GBF1: variants seen among roughly 807,000 people sequenced by gnomAD.
GBF1 encodes Golgi-specific brefeldin A-resistance guanine nucleotide exchange factor 1.
GBF1 carries 114 observed loss-of-function variants against 210.5 expected under a neutral mutation model. The observed-to-expected ratio is 0.54, with a 90% CI of 0.47 to 0.63. GBF1 has a LOEUF of 0.63. Among genes scored for constraint, GBF1 ranks in the 30% least tolerant of loss-of-function variants. The pLI, the probability that GBF1 is intolerant of heterozygous loss-of-function variation, is 0.00. For synonymous variants in GBF1, 850 were observed against 889.2 expected (o/e 0.96, Z 0.78); for missense variants, 1,851 against 2,357.7 (o/e 0.79, Z 4.45).
intron 29 of GBF1, among the ~76,000 whole-genome samples, 157 bp from the exon 30 acceptor site, chr10:102,375,202 G>GAA (rs374953670): frequency 3.2e-5 from 4 of 126,376 alleles, no homozygotes; most frequent in East Asian, 2.2e-4. Flanking sequence ...ATTTCTATTT[G>GAA]AAAAAAAAAA....
At chr10:102,242,681 C>T (rs1168046894), upstream of GBF1, among the ~76,000 whole-genome samples, 1 of 152,012 alleles carries the variant, frequency 6.6e-6, no homozygotes, top group Non-Finnish European at 1.5e-5. Flanking sequence ...GTAATCCCAG[C>T]ACTTTGGGAG....
intron 3 of GBF1, among the ~76,000 whole-genome samples, chr10:102,307,793 C>CA (rs199578820): frequency 1.3e-4 from 20 of 149,554 alleles, no homozygotes; most frequent in Admixed American, 6.6e-4. Context: ...GACGCCGTCT[C>CA]AAAAAAAACA....
At chr10:102,317,098 C>T (rs981669207) in intron 3 of GBF1, among the ~76,000 whole-genome samples, 2 of 151,934 alleles carry the variant, frequency 1.3e-5, no homozygotes. Context: ...TGCCCAGTGC[C>T]CCCTTTTTTT....
chr10:102,306,089 AGACTT>A (rs1271676097), intron 3 of GBF1, among the ~76,000 whole-genome samples: 1 of 152,198 alleles, frequency 6.6e-6, no homozygotes, highest in African/African-American at 2.4e-5. Flanking sequence ...AGAAGCCTGA[AGACTT>A]GAGATATAGA....
chr10:102,330,970 A>C (rs1263568708), intron 3 of GBF1, among the ~76,000 whole-genome samples: 1 of 152,016 alleles, frequency 6.6e-6, no homozygotes, highest in Non-Finnish European at 1.5e-5. Context: ...GTGGAGGCTA[A>C]ATCTGACCTG....
intron 3 of GBF1, among the ~76,000 whole-genome samples, chr10:102,331,922 C>T (rs1361601598): frequency 7.1e-6 from 1 of 140,354 alleles, no homozygotes; most frequent in Non-Finnish European, 1.5e-5. Flanking sequence ...TGCAGTGGCG[C>T]AGTCTTGGCT....
chr10:102,232,203 C>T, the GBF1 span: 3 of 688,304 alleles, frequency 4.4e-6, no homozygotes, highest in Admixed American at 2.1e-5. Context: ...CAACCCCAGC[C>T]GTAAAGCTGG....
chr10:102,381,406 G>GAAATGACAGGACCATAAGCTATGA, intron 39 of GBF1, 151 bp downstream of exon 39: 1 of 723,158 alleles, frequency 1.4e-6, no homozygotes, highest in Non-Finnish European at 2.2e-6. Flanking sequence ...CTTCCCATGG[G>GAAATGACAGGACCATAAGCTATGA]AAATGACAGG....
At chr10:102,373,881 T>A (rs1193816627) in intron 29 of GBF1, among the ~76,000 whole-genome samples, 1 of 152,232 alleles carries the variant, frequency 6.6e-6, no homozygotes, top group Non-Finnish European at 1.5e-5. Context: ...TCGGCCCAGA[T>A]GACTTTCAAT....
chr10:102,353,461 AT>A (rs2059122957), intron 7 of GBF1, 138 bp from the exon 8 acceptor site: 1 of 712,444 alleles, frequency 1.4e-6, no homozygotes, highest in Non-Finnish European at 2.6e-6. Flanking sequence ...AAAGGATGAA[AT>A]TAGTCTGCTT....
chr10:102,266,004 G>A (rs945040655), intron 3 of GBF1, among the ~76,000 whole-genome samples: 1 of 152,118 alleles, frequency 6.6e-6, no homozygotes, highest in African/African-American at 2.4e-5. Context: ...TTGGGAGGCC[G>A]AGGCGGGCAG....
chr10:102,242,629 C>G (rs1042539615), upstream of GBF1, among the ~76,000 whole-genome samples: 11 of 152,140 alleles, frequency 7.2e-5, no homozygotes, highest in African/African-American at 2.7e-4. Flanking sequence ...CTTGGGTGCT[C>G]CGAAGAGCCT....
chr10:102,293,762 A>ATATTTTTTT (rs1565071251), intron 3 of GBF1, among the ~76,000 whole-genome samples: 1 of 44,572 alleles, frequency 2.2e-5, no homozygotes, highest in Admixed American at 3.1e-4. Context: ...CAGCTGTAGT[A>ATATTTTTTT]TGTTTTGTGT....
At position 102,372,430 on chromosome 10, in the gene GBF1, A is replaced by G. The variant is rs1012938624; in HGVS notation, c.3660+1570A>G. On this transcript the variant is annotated intron_variant, in intron 29 of 39. Coordinates refer to ENST00000369983, the MANE Select transcript of GBF1 (RefSeq NM_001377137.1). ...CTCAGGAGGCTGAGGCAGGAGAATCACTTGAACCTGGGAGGCAGAGGTTGT... is the reference window on the plus strand; with the variant it reads ...CTCAGGAGGCTGAGGCAGGAGAATCGCTTGAACCTGGGAGGCAGAGGTTGT... Among the ~76,000 whole-genome samples, 7 of 147,982 alleles carry G rather than the reference A, an allele frequency of 4.7e-5. No individual in the cohort carries two copies. The East Asian group carries it at 6.1e-4, about 13-fold the overall frequency.
rs766681048 is a variant in GBF1, at chr10:102,260,019, A to T, written c.97-31A>T. ...TTTCCTTTTCCTCTTTTGGCCCAAT[A>T]ATGACTTACTTTAATCTATGTGTTC... On this transcript the variant is annotated intron_variant, in intron 2 of 39. Coordinates refer to ENST00000369983, the MANE Select transcript of GBF1 (RefSeq NM_001377137.1). The T allele has an allele frequency of 1.0e-5, 13 of 1,298,126 alleles. No homozygotes were observed. The African/African-American group carries it at 1.6e-4, about 16-fold the overall frequency. The allele number at this position is 1,298,126 out of a possible 1,614,324, so 80.4% of individuals were successfully genotyped here. A position where few individuals can be genotyped will look rare whatever the true frequency, so the allele number is the denominator to read the frequency against.
At chr10:102,287,757 C>G (rs1205452493) in intron 3 of GBF1, among the ~76,000 whole-genome samples, 1 of 152,162 alleles carries the variant, frequency 6.6e-6, no homozygotes, top group Non-Finnish European at 1.5e-5. Context: ...TGTTTTCTGA[C>G]CCAACCTCAG....
intron 3 of GBF1, among the ~76,000 whole-genome samples, chr10:102,310,044 G>C (rs1047985070): frequency 6.6e-6 from 1 of 152,164 alleles, no homozygotes; most frequent in Non-Finnish European, 1.5e-5. Flanking sequence ...GTTGTACTGG[G>C]TATTATGGAA....
chr10:102,380,142 G>C (rs2060751900), intron 36 of GBF1, 107 bp from the exon 37 acceptor site: 1 of 813,230 alleles, frequency 1.2e-6, no homozygotes, highest in Non-Finnish European at 2.1e-6. Context: ...CTCCATCTCT[G>C]ATCTAAGATT....
intron 3 of GBF1, among the ~76,000 whole-genome samples, chr10:102,328,507 G>A (rs1236244416): frequency 6.6e-6 from 1 of 152,076 alleles, no homozygotes; most frequent in Non-Finnish European, 1.5e-5. Context: ...AAAATAAAAA[G>A]ACCCCTTAGT....
Sources: gnomAD v4.1 joint callset for allele counts (sites outside exome capture counted in the v4.1 genomes callset) on GRCh38, gnomAD v4.1.1 for gene constraint, MANE v1.5 for transcripts, NCBI Gene and HGNC (gene_info 2026-07-23, HGNC 2026-07-21) for gene names.